MIR2052HG: variants seen among roughly 807,000 people sequenced by gnomAD.
The protein encoded by MIR2052HG is MIR2052 host gene.
chr8:74,607,218 T>C (rs886129937), intron 1 of MIR2052HG, among the ~76,000 whole-genome samples: 1 of 151,942 alleles, frequency 6.6e-6, no homozygotes, highest in Admixed American at 6.6e-5. Context: ...ATAAAAATAA[T>C]AGTAGCTATA....
rs182616046 is a variant in MIR2052HG, at chr8:74,631,422, T to A, written n.216+18482T>A. ...TCCTTTTTTCTGAAAGCTTTGAGAG[T>A]TACTTGATTTGTTTTTTATTCTTTT... is the stretch of plus-strand genomic sequence containing the variant. On this transcript the variant is annotated intron_variant and non_coding_transcript_variant, in intron 2 of 6. Coordinates refer to ENST00000523442, the Ensembl canonical transcript of MIR2052HG. 5.8e-4 allele frequency among the ~76,000 whole-genome samples: 88 copies of A among 152,284 alleles called. 1 individual carries two copies. Among genetic ancestry groups the A allele is most frequent in the African/African-American group, 1.7e-3 (69 of 41,564 alleles).
intron 5 of MIR2052HG, chr8:74,756,601 C>A (rs1810002435): frequency 6.6e-6 from 1 of 152,152 alleles, no homozygotes; most frequent in African/African-American, 2.4e-5. Context: ...CATTTATATG[C>A]CCCAGGTCAC....
At chr8:74,662,392 A>G (rs1305503493) in intron 2 of MIR2052HG, among the ~76,000 whole-genome samples, 2 of 151,372 alleles carry the variant, frequency 1.3e-5, no homozygotes, top group Non-Finnish European at 2.9e-5. Flanking sequence ...TAATGAGAAC[A>G]CATGGACACA....
chr8:74,650,680 A>G (rs1180231711), intron 2 of MIR2052HG, among the ~76,000 whole-genome samples: 1 of 152,176 alleles, frequency 6.6e-6, no homozygotes, highest in African/African-American at 2.4e-5. Flanking sequence ...AAGTTCCAGT[A>G]GTTCCATGCC....
intron 2 of MIR2052HG, among the ~76,000 whole-genome samples, chr8:74,648,776 C>A (rs1448221849): frequency 1.3e-5 from 2 of 151,922 alleles, no homozygotes; most frequent in African/African-American, 2.4e-5. Flanking sequence ...CTAAGGAATA[C>A]TGCAAGGAAG....
chr8:74,705,511 G>A (rs1205267015), intron 4 of MIR2052HG, among the ~76,000 whole-genome samples: 2 of 151,910 alleles, frequency 1.3e-5, no homozygotes, highest in African/African-American at 4.8e-5. Context: ...GCCCCAGACT[G>A]TTTCCTTTTG....
chr8:74,646,799 A>G (rs1451891580), intron 2 of MIR2052HG, among the ~76,000 whole-genome samples: 3 of 152,112 alleles, frequency 2.0e-5, no homozygotes, highest in African/African-American at 2.4e-5. Context: ...GTGCTGGTAC[A>G]TTCCTGAATC....
chr8:74,676,259 G>C (rs187214826), intron 2 of MIR2052HG, among the ~76,000 whole-genome samples: 1 of 152,080 alleles, frequency 6.6e-6, no homozygotes, highest in South Asian at 2.1e-4. Flanking sequence ...TAAATAAATA[G>C]CAGATAAATT....
chr8:74,669,953 A>G (rs1190108400), intron 2 of MIR2052HG, among the ~76,000 whole-genome samples: 3 of 152,054 alleles, frequency 2.0e-5, no homozygotes, highest in Non-Finnish European at 4.4e-5. Flanking sequence ...GGCCTTTAGG[A>G]GGTAATTAAG....
chr8:74,741,673 C>T (rs1809833130), intron 4 of MIR2052HG, among the ~76,000 whole-genome samples: 1 of 152,144 alleles, frequency 6.6e-6, no homozygotes, highest in South Asian at 2.1e-4. Flanking sequence ...TAATACTGAA[C>T]TCACGGCCAA....
chr8:74,661,430 T>TG (rs1318830506), intron 2 of MIR2052HG, among the ~76,000 whole-genome samples: 2 of 152,134 alleles, frequency 1.3e-5, no homozygotes, highest in African/African-American at 2.4e-5. Flanking sequence ...CTTGAACTCC[T>TG]GACCTCCTGA....
chr8:74,628,862 G>A (rs1037292557), intron 2 of MIR2052HG: 1 of 150,728 alleles, frequency 6.6e-6, no homozygotes, highest in Non-Finnish European at 1.5e-5. Flanking sequence ...AGACTGTGGT[G>A]GCCCAGGAAG....
chr8:74,717,630 C>A (rs1387514821), intron 4 of MIR2052HG, among the ~76,000 whole-genome samples: 3 of 151,774 alleles, frequency 2.0e-5, no homozygotes, highest in Admixed American at 1.3e-4. Flanking sequence ...CCAGCCTGGG[C>A]AAGATGGCAA....
intron 2 of MIR2052HG, among the ~76,000 whole-genome samples, chr8:74,636,718 T>A (rs1808585523): frequency 6.6e-6 from 1 of 152,128 alleles, no homozygotes; most frequent in African/African-American, 2.4e-5. Context: ...ATTGGCACAC[T>A]GAGAGCAGCA....
At chr8:74,742,658 C>T (rs930817332) in intron 4 of MIR2052HG, among the ~76,000 whole-genome samples, 2 of 152,110 alleles carry the variant, frequency 1.3e-5, no homozygotes, top group African/African-American at 4.8e-5. Context: ...GTCCTTTAAT[C>T]TACTGTGGAA....
At chr8:74,605,810 T>C (rs1360417687) in intron 1 of MIR2052HG, among the ~76,000 whole-genome samples, 1 of 151,248 alleles carries the variant, frequency 6.6e-6, no homozygotes, top group Admixed American at 6.6e-5. Flanking sequence ...ATAAACGACC[T>C]TCTAATTGTT....
chr8:74,669,433 T>C (rs554826665), intron 2 of MIR2052HG, among the ~76,000 whole-genome samples: 1 of 152,318 alleles, frequency 6.6e-6, no homozygotes, highest in South Asian at 2.1e-4. Context: ...TGTATCGCTG[T>C]CTCCTTTCTA....
chr8:74,755,900 C>A (rs1171554152), intron 5 of MIR2052HG, among the ~76,000 whole-genome samples: 1 of 152,106 alleles, frequency 6.6e-6, no homozygotes, highest in Non-Finnish European at 1.5e-5. Context: ...ATTTCAAGCC[C>A]TACTGGATGT....
At chr8:74,733,931 C>T (rs1809721194) in intron 4 of MIR2052HG, among the ~76,000 whole-genome samples, 1 of 152,168 alleles carries the variant, frequency 6.6e-6, no homozygotes, top group South Asian at 2.1e-4. Context: ...ATGGCAAGGA[C>T]TTCATGTCTA....
Sources: gnomAD v4.1 joint callset for allele counts (sites outside exome capture counted in the v4.1 genomes callset) on GRCh38, gnomAD v4.1.1 for gene constraint, MANE v1.5 for transcripts, NCBI Gene and HGNC (gene_info 2026-07-23, HGNC 2026-07-21) for gene names.